Variants in ZNF385D observed in about 807,000 individuals in gnomAD.
ZNF385D encodes the protein zinc finger protein 659.
Under a neutral mutation model 35.8 loss-of-function variants are expected in ZNF385D, and 15 were observed. The observed-to-expected ratio is 0.42, with a 90% CI of 0.28 to 0.64. The LOEUF (loss-of-function observed/expected upper bound fraction) is 0.64, where lower values mean the gene tolerates loss of function less well. Ranked by LOEUF, ZNF385D falls within the 30% of genes least tolerant of loss-of-function variation. The probability of loss-of-function intolerance (pLI) is 0.23; values close to 1 mark genes in which losing one functional copy is unlikely to be tolerated. For missense variants in ZNF385D, 474 were observed against 494.6 expected, an observed-to-expected ratio of 0.96 and a Z score of 0.39; for synonymous variants, 212 against 186.8, an observed-to-expected ratio of 1.13 and a Z score of -1.10.
chr3:21,446,054 T>C (rs927892799), intron 4 of ZNF385D, among the ~76,000 whole-genome samples: 1 of 152,058 alleles, frequency 6.6e-6, no homozygotes, highest in African/African-American at 2.4e-5. Flanking sequence ...ACCCAAAGAG[T>C]TTGACAAAAC....
At chr3:21,577,628 C>G (rs1400071878) in intron 2 of ZNF385D, among the ~76,000 whole-genome samples, 10 of 152,068 alleles carry the variant, frequency 6.6e-5, no homozygotes, top group African/African-American at 1.9e-4. Context: ...TTCCCACCAA[C>G]AGTGTATAGA....
chr3:21,990,301 C>A (rs1199046387), intron 3 of ZNF385D, among the ~76,000 whole-genome samples: 2 of 152,134 alleles, frequency 1.3e-5, no homozygotes, highest in Non-Finnish European at 1.5e-5. Context: ...TCTAGCAAAG[C>A]CTTGGTCAAC....
intron 2 of ZNF385D, among the ~76,000 whole-genome samples, chr3:22,188,573 C>A (rs146074011): frequency 0.015 from 2,233 of 152,142 alleles, 47 homozygotes; most frequent in African/African-American, 0.051. Flanking sequence ...CCTCAGCCTC[C>A]CGAGTAGCTG....
chr3:21,988,840 C>A (rs966422512), intron 3 of ZNF385D, among the ~76,000 whole-genome samples: 21 of 152,316 alleles, frequency 1.4e-4, no homozygotes, highest in Non-Finnish European at 1.9e-4. Context: ...GCGTAGGACC[C>A]TCCGAGCCAG....
intron 3 of ZNF385D, among the ~76,000 whole-genome samples, chr3:21,943,606 C>A (rs1701640564): frequency 6.6e-6 from 1 of 151,828 alleles, no homozygotes; most frequent in South Asian, 2.1e-4. Context: ...ATATATACTA[C>A]TTTGTAAGGG....
intron 4 of ZNF385D, among the ~76,000 whole-genome samples, chr3:21,445,607 G>A (rs1430125104): frequency 1.3e-5 from 2 of 152,094 alleles, no homozygotes; most frequent in East Asian, 1.9e-4. Flanking sequence ...TATCATGTCA[G>A]TGCCTTAATT....
intron 1 of ZNF385D, among the ~76,000 whole-genome samples, chr3:21,671,718 G>C (rs12491351): frequency 0.75 from 113,266 of 152,018 alleles, 42,317 homozygotes; most frequent in Admixed American, 0.78. Context: ...AATTAGTTCC[G>C]AGACATAATT....
At chr3:21,479,643 A>T (rs183738974) in intron 4 of ZNF385D, among the ~76,000 whole-genome samples, 114 of 152,300 alleles carry the variant, frequency 7.5e-4, no homozygotes, top group African/African-American at 2.7e-3. Context: ...GCTGATGGCT[A>T]CCTAGAGCCT....
intron 3 of ZNF385D, among the ~76,000 whole-genome samples, chr3:21,784,068 C>T (rs1483706174): frequency 6.6e-6 from 1 of 152,240 alleles, no homozygotes; most frequent in Non-Finnish European, 1.5e-5. Flanking sequence ...CAGGTTCTCT[C>T]ACACACGTGC....
At chr3:21,707,366 A>G (rs937340690) in intron 1 of ZNF385D, among the ~76,000 whole-genome samples, 7 of 152,212 alleles carry the variant, frequency 4.6e-5, no homozygotes, top group African/African-American at 1.7e-4. Flanking sequence ...GCTTTCATTT[A>G]TATTTCATGG....
intron 3 of ZNF385D, among the ~76,000 whole-genome samples, chr3:21,772,281 T>C (rs1445771166): frequency 6.6e-6 from 1 of 151,660 alleles, no homozygotes; most frequent in Non-Finnish European, 1.5e-5. Context: ...ATCAGCAGAG[T>C]AGAAAGGCAA....
chr3:21,663,915 A>ATATATATATATTTATT (rs1159950305), intron 2 of ZNF385D, among the ~76,000 whole-genome samples: 46 of 105,874 alleles, frequency 4.3e-4, no homozygotes, highest in Non-Finnish European at 6.0e-4. Flanking sequence ...ATATATATAT[A>ATATATATATATTTATT]TATTTATTTA....
chr3:21,470,575 T>C (rs1297284350), intron 4 of ZNF385D, among the ~76,000 whole-genome samples: 4 of 152,122 alleles, frequency 2.6e-5, no homozygotes. Flanking sequence ...TCAAGTGAGA[T>C]GTGTGCTTAA....
chr3:21,598,729 A>G (rs888686788), intron 2 of ZNF385D, among the ~76,000 whole-genome samples: 5 of 152,260 alleles, frequency 3.3e-5, no homozygotes, highest in Non-Finnish European at 5.9e-5. Flanking sequence ...AAGGAAATAA[A>G]TATCTGAGGA....
chr3:21,894,150 A>C (rs1699015802), intron 3 of ZNF385D, among the ~76,000 whole-genome samples: 1 of 152,198 alleles, frequency 6.6e-6, no homozygotes, highest in Admixed American at 6.5e-5. Flanking sequence ...AATTGCACTA[A>C]GCTAGATAAT....
chr3:21,998,415 TC>T (rs1695620160), intron 3 of ZNF385D, among the ~76,000 whole-genome samples: 1 of 152,182 alleles, frequency 6.6e-6, no homozygotes, highest in Non-Finnish European at 1.5e-5. Flanking sequence ...TACACCTCCA[TC>T]AAAATTCCAT....
chr3:22,239,599 G>T (rs1699376545), intron 2 of ZNF385D, among the ~76,000 whole-genome samples: 1 of 150,446 alleles, frequency 6.6e-6, no homozygotes, highest in Admixed American at 6.6e-5. Context: ...TTTTATTTAG[G>T]TTTTACCCTT....
intron 3 of ZNF385D, among the ~76,000 whole-genome samples, chr3:22,145,424 T>G (rs1704790016): frequency 6.6e-6 from 1 of 152,224 alleles, no homozygotes; most frequent in South Asian, 2.1e-4. Flanking sequence ...TCTCCTCTCT[T>G]CATACACCTT....
At chr3:21,718,249 A>T (rs989075967) in intron 1 of ZNF385D, among the ~76,000 whole-genome samples, 2 of 152,206 alleles carry the variant, frequency 1.3e-5, no homozygotes, top group Non-Finnish European at 2.9e-5. Flanking sequence ...TTTACTCCTG[A>T]TCAATCCTTC....
Sources: allele counts gnomAD v4.1 joint callset (sites outside exome capture counted in the v4.1 genomes callset), GRCh38; gene constraint gnomAD v4.1.1; transcripts MANE v1.5; gene names NCBI Gene and HGNC (gene_info 2026-07-23, HGNC 2026-07-21).